MARCO: variants seen among roughly 807,000 people sequenced by gnomAD.
The protein encoded by MARCO is macrophage receptor MARCO.
A neutral mutation model predicts 70.0 loss-of-function variants in MARCO; 72 were observed. The ratio of observed to expected loss-of-function variants is 1.03; its 90% confidence interval spans 0.85 to 1.25. The LOEUF is 1.25. Among genes scored for constraint, MARCO ranks in the 50% most tolerant of loss-of-function variants. The pLI, the probability that MARCO is intolerant of heterozygous loss-of-function variation, is 0.00. For synonymous variants in MARCO, 273 were observed against 243.1 expected (o/e 1.12, Z -1.14); for missense variants, 696 against 659.3 (o/e 1.06, Z -0.61).
chr2:118,948,294 C>A (rs1371278277), intron 1 of MARCO, among the ~76,000 whole-genome samples: 1 of 152,234 alleles, frequency 6.6e-6, no homozygotes, highest in African/African-American at 2.4e-5. Flanking sequence ...ACTGCTGTGT[C>A]CTGCATCTAT....
At chr2:118,956,933 T>A (rs2104558516) in intron 1 of MARCO, among the ~76,000 whole-genome samples, 1 of 152,204 alleles carries the variant, frequency 6.6e-6, no homozygotes, top group Non-Finnish European at 1.5e-5. Context: ...ATTTAAAAAT[T>A]CTTTGAACTG....
At chr2:118,975,238 C>T (rs1680257922) in intron 6 of MARCO, among the ~76,000 whole-genome samples, 1 of 152,194 alleles carries the variant, frequency 6.6e-6, no homozygotes, top group Non-Finnish European at 1.5e-5. Context: ...TTCCACTCTG[C>T]TCCCATCCAC....
In MARCO at chr2:118,947,594, TCCTTTCCCTGTTGAA is replaced by T. The variant is rs1315757174; in HGVS notation, c.97+5198_97+5212del. Reference sequence around the variant, plus strand: ...TCCAGCACCATTTGTTGAAAGGCTATCCTTTCCCTGTTGAATTGCTTTTACACCTTTGTCAAAAAC... The same window carrying T: ...TCCAGCACCATTTGTTGAAAGGCTATTTGCTTTTACACCTTTGTCAAAAAC... On this transcript the variant is annotated intron_variant, in intron 1 of 16. Coordinates refer to ENST00000327097, the MANE Select transcript of MARCO (RefSeq NM_006770.4). Among the ~76,000 whole-genome samples the T allele has an allele frequency of 2.8e-4, 42 of 150,448 alleles. 1 individual carries two copies. The highest frequency in any genetic ancestry group is 1.1e-3 in the African/African-American group (42 of 39,712).
At chr2:118,948,727 T>C (rs1679651637) in intron 1 of MARCO, among the ~76,000 whole-genome samples, 1 of 152,222 alleles carries the variant, frequency 6.6e-6, no homozygotes. Flanking sequence ...AACTCTTGGA[T>C]GTATGGTACA....
chr2:118,974,350 G>A lies in MARCO; in HGVS notation c.478G>A (p.Gly160Arg). Reference protein sequence around the residue: ...QGAPGLQGHKGAMGMPGAPGP... With the variant: ...QGAPGLQGHKRAMGMPGAPGP... ...TTCCTCAGGTCTTCAAGGTCACAAG[G>A]GGGCCATGGGCATGCCTGGTGCCCC... Residue 160 changes from glycine (G) to arginine (R), a missense_variant, in exon 5 of 17, where the codon GGG (glycine) becomes AGG (arginine). By Grantham distance (125) the Gly-to-Arg change is moderately radical. Transcript: ENST00000327097. The A allele has an allele frequency of 6.2e-7, 1 of 1,603,408 alleles. No homozygotes were observed. The highest frequency in any genetic ancestry group is 8.5e-7 in the Non-Finnish European group (1 of 1,175,048).
In MARCO at chr2:118,974,522, C is replaced by T. The variant is rs1441441936; in HGVS notation, c.570C>T (p.Gly190=). Residue 190 remains glycine, a splice_region_variant and synonymous_variant, in exon 6 of 17, where the codon GGC becomes GGT. Transcript: ENST00000327097. The part of the protein sequence containing the change: ...KGAMGRDGAT[G]PSGPQGPPGV... ...CTCTGAATTCCCTTTCCCTTCCAGG[C>T]CCCTCGGGACCCCAAGGCCCACCGG... The T allele has an allele frequency of 2.5e-6, 4 of 1,613,790 alleles. No individual in the cohort carries two copies. The African/African-American group carries it at 5.3e-5, about 22-fold the overall frequency.
intron 12 of MARCO, among the ~76,000 whole-genome samples, chr2:118,986,705 GA>G (rs1354709370): frequency 1.2e-5 from 1 of 80,630 alleles, no homozygotes; most frequent in African/African-American, 5.3e-5. Flanking sequence ...AAGAAAGAAA[GA>G]AAGAAAGAAA....
chr2:118,977,915 A>G lies in MARCO; in HGVS notation c.746A>G (p.Lys249Arg), dbSNP rs769029216. 10 of 1,609,068 alleles carry G rather than the reference A, an allele frequency of 6.2e-6. No individual in the cohort carries two copies. The South Asian group carries it at 1.0e-4, about 16-fold the overall frequency. ...PKGETGTKGEKGDLGLPGSKG... is the reference protein window; with the variant it reads ...PKGETGTKGERGDLGLPGSKG... ...GGGGAAACTGGAACTAAGGGAGAGA[A>G]AGGAGACCTGGGTCTCCCAGGTGAG... Residue 249 changes from lysine to arginine, a missense_variant, in exon 8 of 17, where the codon AAA becomes AGA. Physicochemically the swap from Lys to Arg is conservative, Grantham distance 26. Transcript: ENST00000327097.
At chr2:118,971,731 T>C (rs961183052) in intron 4 of MARCO, among the ~76,000 whole-genome samples, 197 bp downstream of exon 4, 5 of 152,114 alleles carry the variant, frequency 3.3e-5, no homozygotes, top group African/African-American at 1.2e-4. Flanking sequence ...TGGGCTGTCA[T>C]CCCCCTCCTT....
chr2:118,986,712 A>G (rs1263943880), intron 12 of MARCO, among the ~76,000 whole-genome samples: 2 of 119,920 alleles, frequency 1.7e-5, no homozygotes, highest in East Asian at 2.6e-4. Context: ...AAAGAAAGAA[A>G]GAAAGAAAGA....
rs141334844 is a variant in MARCO, at chr2:118,977,880, T to C, written c.711T>C (p.Ile237=). The change falls in exon 8 of 17, where the codon ATT becomes ATC. Residue 237 remains isoleucine, a synonymous_variant. Transcript: ENST00000327097. The part of the protein sequence containing the change: ...EKGSKGDGGL[I]GPKGETGTKG... ...GCAGCAAAGGCGATGGGGGTCTCATTGGCCCAAAAGGGGAAACTGGAACTA... is the reference window on the plus strand; with the variant it reads ...GCAGCAAAGGCGATGGGGGTCTCATCGGCCCAAAAGGGGAAACTGGAACTA... The C allele has an allele frequency of 1.9e-6, 3 of 1,612,636 alleles. No homozygotes were observed. Among genetic ancestry groups the C allele is most frequent in the Non-Finnish European group, 2.5e-6 (3 of 1,179,508 alleles).
At position 118,957,690 on chromosome 2, in the gene MARCO, GA is replaced by G. The variant is rs533456759; in HGVS notation, c.98-11467del. Among the ~76,000 whole-genome samples the G allele has an allele frequency of 1.6e-3, 239 of 151,990 alleles. 1 individual carries two copies. The highest frequency in any genetic ancestry group is 6.8e-3 in the Middle Eastern group (2 of 294). On this transcript the variant is annotated intron_variant, in intron 1 of 16. Coordinates refer to ENST00000327097, the MANE Select transcript of MARCO (RefSeq NM_006770.4). ...TTCATTACCCTAACACCAAAACCAG[GA>G]AAGGACACAACCAAAAAAGAAAACT...
chr2:118,991,221 C>T (rs1680615347), intron 13 of MARCO, among the ~76,000 whole-genome samples: 1 of 151,158 alleles, frequency 6.6e-6, no homozygotes, highest in South Asian at 2.1e-4. Flanking sequence ...AGTTTTCTTC[C>T]TCATAAGCTA....
intron 12 of MARCO, among the ~76,000 whole-genome samples, chr2:118,982,820 A>AG (rs953980459): frequency 1.7e-4 from 26 of 152,090 alleles, no homozygotes; most frequent in Non-Finnish European, 2.9e-4. Flanking sequence ...ACATTTTCCT[A>AG]GGGGGGCAGC....
At chr2:118,961,600 G>A (rs1329631303) in intron 1 of MARCO, among the ~76,000 whole-genome samples, 1 of 151,900 alleles carries the variant, frequency 6.6e-6, no homozygotes, top group Non-Finnish European at 1.5e-5. Context: ...CAAGTTCCTT[G>A]CAGATTCTGA....
intron 1 of MARCO, among the ~76,000 whole-genome samples, chr2:118,962,283 T>C (rs1679963791): frequency 6.6e-6 from 1 of 152,102 alleles, no homozygotes; most frequent in Admixed American, 6.6e-5. Flanking sequence ...ATGGGAAATG[T>C]GTTGAATCTA....
rs756677651 is a variant in MARCO at position 118,990,542 on chromosome 2, TA to T, written c.1064-45del. On this transcript the variant is annotated intron_variant, in intron 12 of 16. Coordinates refer to ENST00000327097, the MANE Select transcript of MARCO (RefSeq NM_006770.4). ...TCTAAGATTAAAAATGTCTAATACC[TA>T]AGTTTTATTATCTCCTCCCCCCCCC... 4.4e-6 allele frequency: 7 copies of T among 1,581,744 alleles called. No homozygotes were observed. In the South Asian group the frequency reaches 7.8e-5, roughly 18 times the overall value.
chr2:118,960,410 G>A (rs193187461), intron 1 of MARCO, among the ~76,000 whole-genome samples: 56 of 152,206 alleles, frequency 3.7e-4, no homozygotes, highest in African/African-American at 1.3e-3. Context: ...TGTAGATGCA[G>A]TTTTTTAAGT....
At chr2:118,964,540 T>C (rs891478101) in intron 1 of MARCO, among the ~76,000 whole-genome samples, 2 of 152,208 alleles carry the variant, frequency 1.3e-5, no homozygotes, top group Non-Finnish European at 2.9e-5. Flanking sequence ...AAATAAGCTG[T>C]ACCACTTACA....
Sources: allele counts gnomAD v4.1 joint callset (sites outside exome capture counted in the v4.1 genomes callset), GRCh38; gene constraint gnomAD v4.1.1; transcripts MANE v1.5; gene names NCBI Gene and HGNC (gene_info 2026-07-23, HGNC 2026-07-21).